SPINK5: variants seen among roughly 807,000 people sequenced by gnomAD.
SPINK5 encodes serine protease inhibitor Kazal-type 5.
A neutral mutation model predicts 151.8 loss-of-function variants in SPINK5; 125 were observed. The ratio of observed to expected loss-of-function variants is 0.82; its 90% CI spans 0.71 to 0.96. The LOEUF is 0.96. SPINK5 is among the 40% of genes least tolerant of loss of function. The probability of loss-of-function intolerance (pLI) is 0.00; values close to 1 mark genes in which losing one functional copy is unlikely to be tolerated. For synonymous variants in SPINK5, 374 were observed against 395.3 expected, an observed-to-expected ratio of 0.95 and a Z score of 0.64; for missense variants, 1,194 against 1,291.9, an observed-to-expected ratio of 0.92 and a Z score of 1.16.
chr5:148,101,547 G>A (rs190396303), intron 14 of SPINK5, 111 bp downstream of exon 14: 1,308 of 1,072,090 alleles, frequency 1.2e-3, no homozygotes, highest in Non-Finnish European at 1.7e-3. Flanking sequence ...TGTACAGTTT[G>A]TGTTTTCATA....
intron 31 of SPINK5, 114 bp from the exon 32 acceptor site, chr5:148,133,683 C>T: frequency 1.2e-5 from 11 of 927,302 alleles, no homozygotes; most frequent in Non-Finnish European, 1.7e-5. Context: ...CCAGATCCTC[C>T]CTCTAAATAC....
In SPINK5 at chr5:148,070,415, G is replaced by C. The variant is rs771729229; in HGVS notation, c.174G>C (p.Met58Ile). The change falls in exon 3 of 33, where the codon ATG becomes ATC. Residue 58 changes from methionine (M) to isoleucine (I), a missense_variant. Transcript: ENST00000256084. ...KKFFQSLDGIMFINKCATCKM... is the reference protein window; with the variant it reads ...KKFFQSLDGIIFINKCATCKM... Reference sequence around the variant, plus strand: ...TTTTTCAAAGTCTTGATGGAATAATGTTCATCAATAAATGTGCCACGTGCA... The same window carrying C: ...TTTTTCAAAGTCTTGATGGAATAATCTTCATCAATAAATGTGCCACGTGCA... The C allele has an allele frequency of 5.0e-6, 8 of 1,612,702 alleles. No individual in the cohort carries two copies. Among genetic ancestry groups the C allele is most frequent in the East Asian group, 2.2e-5 (1 of 44,734 alleles).
At chr5:148,127,128 A>AT (rs779548551) in intron 30 of SPINK5, 49 bp downstream of exon 30, 40 of 1,520,152 alleles carry the variant, frequency 2.6e-5, no homozygotes, top group South Asian at 7.0e-5. Context: ...AATTTTCTTG[A>AT]TTTTTTTTGA....
chr5:148,131,440 TAG>T, intron 31 of SPINK5, 51 bp downstream of exon 31: 1 of 1,611,172 alleles, frequency 6.2e-7, no homozygotes, highest in Non-Finnish European at 8.5e-7. Context: ...ATTTCTCAGC[TAG>T]AGTGTTAACC....
At chr5:148,091,123 G>A (rs777220619) in intron 7 of SPINK5, 42 bp from the exon 8 acceptor site, 2 of 1,543,668 alleles carry the variant, frequency 1.3e-6, no homozygotes, top group Non-Finnish European at 1.8e-6. Context: ...CTGAAAATAT[G>A]ATTGAGTCAT....
Position 148,137,225 on chromosome 5 carries a change from G to A in SPINK5, c.*234G>A, listed in dbSNP as rs537396944. 5.2e-5 allele frequency: 31 copies of A among 593,292 alleles called. No individual in the cohort carries two copies. The African/African-American group carries it at 5.4e-4, about 10-fold the overall frequency. 36.8% of individuals were successfully genotyped at this position (593,292 alleles called of 1,614,324 possible). A position where few individuals can be genotyped will look rare whatever the true frequency, so the allele number is the denominator to read the frequency against. On this transcript the variant is annotated 3_prime_UTR_variant, in exon 33 of 33. Coordinates refer to ENST00000256084, the MANE Select transcript of SPINK5 (RefSeq NM_006846.4). ...TCCACCAAGTCTGAGCCCTCAAAAT[G>A]TCCTGATTACAATGCTGTCTGTCCA...
At position 148,107,046 on chromosome 5, in the gene SPINK5, A is replaced by G; in HGVS notation, c.1489A>G (p.Ser497Gly). The stretch of plus-strand genomic sequence containing the variant: ...TTTCTTCATTTCCCAGGAAATCTGC[A>G]GTGAATTTCGGGACCAAGTGAGGAA... ...AKREAAKEIC[S>G]EFRDQVRNGT... The change falls in exon 17 of 33, where the codon AGT becomes GGT. Residue 497 changes from serine to glycine, a missense_variant. Physicochemically the swap from Ser to Gly is moderately conservative, Grantham distance 56. Transcript: ENST00000256084. 1.2e-6 allele frequency: 2 copies of G among 1,612,782 alleles called. No individual in the cohort carries two copies. The highest frequency in any genetic ancestry group is 1.3e-5 in the African/African-American group (1 of 75,006).
intron 32 of SPINK5, 76 bp from the exon 33 acceptor site, chr5:148,136,907 C>A (rs4334874): frequency 5.8e-6 from 9 of 1,543,526 alleles, no homozygotes; most frequent in African/African-American, 2.7e-5. Context: ...GATTAAGATG[C>A]AGCTATAAAT....
At chr5:148,081,132 G>A (rs556276829) in intron 4 of SPINK5, among the ~76,000 whole-genome samples, 2 of 151,732 alleles carry the variant, frequency 1.3e-5, no homozygotes, top group African/African-American at 4.8e-5. Context: ...AAAATGTTAA[G>A]GGTGTGGAGA....
At chr5:148,096,575 A>G (rs1753466997) in intron 10 of SPINK5, among the ~76,000 whole-genome samples, 1 of 152,012 alleles carries the variant, frequency 6.6e-6, no homozygotes, top group African/African-American at 2.4e-5. Context: ...GAGTATATTC[A>G]GACCATTTCA....
At chr5:148,077,890 A>G (rs1435084489) in intron 4 of SPINK5, among the ~76,000 whole-genome samples, 3 of 150,866 alleles carry the variant, frequency 2.0e-5, no homozygotes, top group Admixed American at 6.6e-5. Context: ...AGATGGTAGT[A>G]GAACAGAGAA....
intron 2 of SPINK5, among the ~76,000 whole-genome samples, chr5:148,069,410 C>A (rs1752676824): frequency 1.3e-5 from 2 of 150,026 alleles, no homozygotes; most frequent in Non-Finnish European, 3.0e-5. Flanking sequence ...AAACCAAAAG[C>A]CCAAAACAAA....
rs115779530 is a variant in SPINK5, at chr5:148,078,221, T to A, written c.282+6001T>A. 9.6e-3 allele frequency among the ~76,000 whole-genome samples: 1,452 copies of A among 151,170 alleles called. 18 individuals are homozygous for A. The highest frequency in any genetic ancestry group is 0.033 in the African/African-American group (1,357 of 41,404). Reference sequence around the variant, plus strand: ...GGGATATTTTGTAACTTTAAAAGTGTCAATACGTTAAGCAATATAACAATG... The same window carrying A: ...GGGATATTTTGTAACTTTAAAAGTGACAATACGTTAAGCAATATAACAATG... On this transcript the variant is annotated intron_variant, in intron 4 of 32. Transcript: ENST00000256084.
Position 148,102,650 on chromosome 5 carries a change from A to G in SPINK5, c.1430+742A>G, listed in dbSNP as rs191853061. Reference sequence around the variant, plus strand: ...TACTAATTGCTTTTAGTTTTATGAAAACATTATCAGATGAAATAGGAAATA... The same window carrying G: ...TACTAATTGCTTTTAGTTTTATGAAGACATTATCAGATGAAATAGGAAATA... On this transcript the variant is annotated intron_variant, in intron 15 of 32. Transcript: ENST00000256084. 1.2e-3 allele frequency among the ~76,000 whole-genome samples: 184 copies of G among 152,296 alleles called. 1 individual carries two copies. The highest frequency in any genetic ancestry group is 6.9e-3 in the East Asian group (36 of 5,186).
chr5:148,136,881 ATCT>A (rs1754706605), intron 32 of SPINK5, 99 bp from the exon 33 acceptor site: 81 of 1,432,466 alleles, frequency 5.7e-5, no homozygotes, highest in Non-Finnish European at 7.8e-5. Context: ...AGAATGCAGG[ATCT>A]ATGGATTTCT....
chr5:148,101,356 C>G lies in SPINK5; in HGVS notation c.1222C>G (p.Gln408Glu). The change falls in exon 14 of 33, where the codon CAA becomes GAA. Residue 408 changes from glutamine to glutamate, a missense_variant and splice_region_variant. By Grantham distance (29) the Gln-to-Glu change is conservative. Transcript: ENST00000256084. ...NTCSMCEVFF[Q>E]AEEEEKKKKE... ...CTCTTCTTAACCATCCTTTTTTAGCCAAGCAGAAGAAGAAGAAAAGAAAAA... is the reference window on the plus strand; with the variant it reads ...CTCTTCTTAACCATCCTTTTTTAGCGAAGCAGAAGAAGAAGAAAAGAAAAA... 6.2e-7 allele frequency: 1 copy of G among 1,604,756 alleles called. No individual in the cohort carries two copies. The highest frequency in any genetic ancestry group is 8.5e-7 in the Non-Finnish European group (1 of 1,172,198).
chr5:148,098,058 G>A, intron 11 of SPINK5, 64 bp downstream of exon 11: 14 of 1,501,410 alleles, frequency 9.3e-6, no homozygotes, highest in Non-Finnish European at 1.3e-5. Context: ...AATAGAAACA[G>A]CTTCTTTCAT....
At chr5:148,085,198 A>G (rs1187975871) in intron 4 of SPINK5, among the ~76,000 whole-genome samples, 2 of 151,724 alleles carry the variant, frequency 1.3e-5, no homozygotes, top group African/African-American at 4.8e-5. Context: ...TTCTATTTTC[A>G]GTTCTTTTCC....
rs762435955 is a variant in SPINK5 at position 148,091,231 on chromosome 5, A to G, written c.666+3A>G. ...GAATTCGACGAAATGCTGAAAAGGT[A>G]AAATGACTCACCAACGCAATTTTGT... On this transcript the variant is annotated splice_donor_region_variant and intron_variant, in intron 8 of 32. Transcript: ENST00000256084. The G allele has an allele frequency of 6.2e-6, 10 of 1,610,668 alleles. No homozygotes were observed. In the Admixed American group the frequency reaches 1.7e-4, roughly 27 times the overall value.
Sources: gnomAD v4.1 joint callset for allele counts (sites outside exome capture counted in the v4.1 genomes callset) on GRCh38, gnomAD v4.1.1 for gene constraint, MANE v1.5 for transcripts, NCBI Gene and HGNC (gene_info 2026-07-23, HGNC 2026-07-21) for gene names.